AGBL1: variants seen among roughly 807,000 people sequenced by gnomAD.
AGBL1 encodes AGBL carboxypeptidase 1.
AGBL1 carries 130 observed loss-of-function variants against 118.9 expected under a neutral mutation model. That is an observed-to-expected ratio of 1.09 (90% confidence interval 0.95 to 1.26). AGBL1 has a LOEUF of 1.26. Among genes scored for constraint, AGBL1 ranks in the 50% most tolerant of loss-of-function variants. The probability of loss-of-function intolerance (pLI) is 0.00; values close to 1 mark genes in which losing one functional copy is unlikely to be tolerated. For synonymous variants in AGBL1, 555 were observed against 478.9 expected (o/e 1.16, Z -2.08); for missense variants, 1,584 against 1,298.1 (o/e 1.22, Z -3.38).
chr15:86,102,514 G>A (rs909046035), intron 1 of AGBL1, among the ~76,000 whole-genome samples: 1 of 152,148 alleles, frequency 6.6e-6, no homozygotes, highest in Non-Finnish European at 1.5e-5. Flanking sequence ...GTCTTGGAAA[G>A]ACTTTATTTC....
intron 22 of AGBL1, among the ~76,000 whole-genome samples, chr15:86,806,484 A>C (rs971879553): frequency 2.6e-5 from 4 of 152,150 alleles, no homozygotes; most frequent in Non-Finnish European, 5.9e-5. Flanking sequence ...GATGGACCTC[A>C]TATTAGTTTC....
At chr15:86,515,682 T>C (rs988811997) in intron 18 of AGBL1, among the ~76,000 whole-genome samples, 4 of 152,234 alleles carry the variant, frequency 2.6e-5, no homozygotes, top group South Asian at 4.1e-4. Flanking sequence ...CAAGTGGTTG[T>C]TGGCTGGCTG....
intron 22 of AGBL1, among the ~76,000 whole-genome samples, chr15:86,887,504 G>T (rs1454001155): frequency 6.6e-6 from 1 of 152,174 alleles, no homozygotes; most frequent in Non-Finnish European, 1.5e-5. Context: ...ATTCTGCTAT[G>T]CTTTCATTTT....
chr15:86,722,086 G>T (rs1374273068), intron 22 of AGBL1, among the ~76,000 whole-genome samples: 3 of 152,064 alleles, frequency 2.0e-5, no homozygotes, highest in Admixed American at 2.0e-4. Context: ...ACTGCCCAAG[G>T]TAATTTATAG....
At position 86,590,186 on chromosome 15, in the gene AGBL1, C is replaced by G. The variant is rs548850713; in HGVS notation, c.2994+35649C>G. 2.0e-5 allele frequency among the ~76,000 whole-genome samples: 3 copies of G among 152,240 alleles called. No homozygotes were observed. The South Asian group carries it at 6.2e-4, about 32-fold the overall frequency. ...AAAAATAGGTTGTATTGGTAAAACA[C>G]ATTATGGGAGGGAGAGAAGAGGAGA... On this transcript the variant is annotated intron_variant, in intron 21 of 22. Coordinates refer to ENST00000614907, the MANE Select transcript of AGBL1 (RefSeq NM_001386094.1).
chr15:86,793,026 C>A (rs895063175), intron 22 of AGBL1, among the ~76,000 whole-genome samples: 2 of 151,896 alleles, frequency 1.3e-5, no homozygotes, highest in Non-Finnish European at 2.9e-5. Flanking sequence ...AAAATAGTAA[C>A]CGTAGTTAAT....
At chr15:86,394,884 C>T (rs1352516080) in intron 17 of AGBL1, among the ~76,000 whole-genome samples, 1 of 152,116 alleles carries the variant, frequency 6.6e-6, no homozygotes. Context: ...TGTCACATGG[C>T]CACTCCTACC....
At chr15:87,022,047 C>T (rs2081670101) in intron 24 of AGBL1, among the ~76,000 whole-genome samples, 1 of 152,086 alleles carries the variant, frequency 6.6e-6, no homozygotes, top group South Asian at 2.1e-4. Context: ...AGAAAGATAA[C>T]AATCACTACA....
intron 17 of AGBL1, among the ~76,000 whole-genome samples, chr15:86,303,640 A>T (rs1447617589): frequency 2.6e-5 from 4 of 152,202 alleles, no homozygotes; most frequent in Admixed American, 2.6e-4. Context: ...TATTTTAGAG[A>T]GAAATAAAAC....
intron 22 of AGBL1, among the ~76,000 whole-genome samples, chr15:86,701,472 A>G (rs2086356977): frequency 6.6e-6 from 1 of 152,174 alleles, no homozygotes; most frequent in Admixed American, 6.6e-5. Context: ...GCACAAAGAT[A>G]TACATCATCA....
Position 86,879,635 on chromosome 15 carries a change from T to C in AGBL1, c.3159-27452T>C, listed in dbSNP as rs191763742. Among the ~76,000 whole-genome samples, 6 of 152,342 alleles carry C rather than the reference T, an allele frequency of 3.9e-5. No homozygotes were observed. In the East Asian group the frequency reaches 1.2e-3, roughly 29 times the overall value. The stretch of plus-strand genomic sequence containing the variant: ...GAACTCCCAAAAACTAATTATGTAA[T>C]ATGCAATCCCCACAATAAATTACAC... On this transcript the variant is annotated intron_variant, in intron 22 of 22. Coordinates refer to ENST00000614907, the MANE Select transcript of AGBL1 (RefSeq NM_001386094.1).
chr15:86,279,835 G>C, intron 16 of AGBL1, 52 bp downstream of exon 16: 1 of 1,591,422 alleles, frequency 6.3e-7, no homozygotes, highest in Non-Finnish European at 8.6e-7. Context: ...GGCTCTCTGA[G>C]GTTTTCCTGG....
rs189768768 is a variant in AGBL1, at chr15:86,758,803, C to T, written c.3158+84367C>T. ...CCTGGGCAACATGAAAAAACCCTGTCTCTACAAAAAAATACAAAAATTAAC... is the reference window on the plus strand; with the variant it reads ...CCTGGGCAACATGAAAAAACCCTGTTTCTACAAAAAAATACAAAAATTAAC... On this transcript the variant is annotated intron_variant, in intron 22 of 22. Transcript: ENST00000614907. 4.4e-3 allele frequency among the ~76,000 whole-genome samples: 660 copies of T among 151,586 alleles called. 9 individuals carry two copies. The highest frequency in any genetic ancestry group is 0.027 in the Middle Eastern group (8 of 294).
At chr15:86,597,597 A>G (rs1366454956) in intron 21 of AGBL1, among the ~76,000 whole-genome samples, 16 of 152,166 alleles carry the variant, frequency 1.1e-4, no homozygotes, top group Non-Finnish European at 1.5e-5. Context: ...ATAGAACTCA[A>G]GAGGATAGTT....
chr15:86,379,181 A>G lies in AGBL1; in HGVS notation c.2375-18185A>G, dbSNP rs1596038208. ...ACCTGCCTCAGCCTCTCAAAGTGCT[A>G]GGATTACCAGCATGAGCCACCGTGC... is the stretch of plus-strand genomic sequence containing the variant. On this transcript the variant is annotated intron_variant, in intron 17 of 22. Transcript: ENST00000614907. Among the ~76,000 whole-genome samples the G allele has an allele frequency of 3.3e-5, 5 of 152,016 alleles. No individual in the cohort carries two copies. The South Asian group carries it at 1.0e-3, about 32-fold the overall frequency.
intron 21 of AGBL1, among the ~76,000 whole-genome samples, chr15:86,642,596 ATAT>A (rs72306993): frequency 0.43 from 64,481 of 151,072 alleles, 14,490 homozygotes; most frequent in Middle Eastern, 0.58. Context: ...TATAGGGATA[ATAT>A]TTTCTAAAAT....
At chr15:86,583,514 T>C (rs959979866) in intron 21 of AGBL1, among the ~76,000 whole-genome samples, 2 of 152,192 alleles carry the variant, frequency 1.3e-5, no homozygotes, top group African/African-American at 4.8e-5. Flanking sequence ...GGACATGATT[T>C]CATCTTTTAT....
intron 22 of AGBL1, among the ~76,000 whole-genome samples, chr15:86,684,899 C>T (rs1036454918): frequency 1.3e-5 from 2 of 152,058 alleles, no homozygotes; most frequent in African/African-American, 4.8e-5. Flanking sequence ...TTGAATTATG[C>T]TAAGTGGCAA....
intron 18 of AGBL1, among the ~76,000 whole-genome samples, chr15:86,510,029 C>T (rs969358170): frequency 1.3e-5 from 2 of 150,994 alleles, no homozygotes; most frequent in African/African-American, 4.9e-5. Flanking sequence ...AAAAGGAACT[C>T]CAGAATTCCA....
Sources: allele counts gnomAD v4.1 joint callset (sites outside exome capture counted in the v4.1 genomes callset), GRCh38; gene constraint gnomAD v4.1.1; transcripts MANE v1.5; gene names NCBI Gene and HGNC (gene_info 2026-07-23, HGNC 2026-07-21).